The following GALNT13 variants were observed in gnomAD, a reference collection of about 807,000 sequenced individuals.
GALNT13 encodes the protein UDP-GalNAc:polypeptide N-acetylgalactosaminyltransferase 13.
Under a neutral mutation model 64.2 loss-of-function variants are expected in GALNT13, and 28 were observed. That is an observed-to-expected ratio of 0.44 (90% confidence interval 0.32 to 0.60). GALNT13 has a LOEUF of 0.60. Ranked by LOEUF, GALNT13 falls within the 20% of genes least tolerant of loss-of-function variation. GALNT13 has a pLI of 0.05. For missense variants in GALNT13, 577 were observed against 669.8 expected, an observed-to-expected ratio of 0.86 and a Z score of 1.53; for synonymous variants, 214 against 224.6, an observed-to-expected ratio of 0.95 and a Z score of 0.42.
chr2:153,367,374 T>C, the GALNT13 span, among the ~76,000 whole-genome samples: 1 of 152,078 alleles, frequency 6.6e-6, no homozygotes, highest in Admixed American at 6.6e-5. Flanking sequence ...CAACTAAAAA[T>C]GTTTTAAGCA....
At chr2:153,844,906 A>C in the GALNT13 span, among the ~76,000 whole-genome samples, 1 of 152,192 alleles carries the variant, frequency 6.6e-6, no homozygotes, top group African/African-American at 2.4e-5. Context: ...GCTAAGGCAT[A>C]ACATATGTGA....
the GALNT13 span, among the ~76,000 whole-genome samples, chr2:153,397,139 A>G: frequency 6.6e-6 from 1 of 152,184 alleles, no homozygotes; most frequent in Non-Finnish European, 1.5e-5. Context: ...ACATCTAACC[A>G]ATGGCACTGT....
At chr2:153,461,183 G>T in the GALNT13 span, among the ~76,000 whole-genome samples, 3 of 151,944 alleles carry the variant, frequency 2.0e-5, no homozygotes, top group Non-Finnish European at 2.9e-5. Context: ...CCAAAAGTTT[G>T]GCAAATTAGA....
intron 3 of GALNT13, among the ~76,000 whole-genome samples, chr2:153,979,884 T>A (rs1450675764): frequency 6.6e-6 from 1 of 152,168 alleles, no homozygotes; most frequent in East Asian, 1.9e-4. Flanking sequence ...GATTATATTC[T>A]TCCTCATATT....
At chr2:153,144,305 T>C in the GALNT13 span, among the ~76,000 whole-genome samples, 5 of 152,030 alleles carry the variant, frequency 3.3e-5, no homozygotes, top group South Asian at 1.0e-3. Context: ...TAATTAGCTG[T>C]GTAAGCTCAG....
At chr2:153,520,871 T>C in the GALNT13 span, among the ~76,000 whole-genome samples, 1 of 152,152 alleles carries the variant, frequency 6.6e-6, no homozygotes, top group East Asian at 1.9e-4. Context: ...CCATGAGATA[T>C]GTAAATCATA....
intron 3 of GALNT13, among the ~76,000 whole-genome samples, chr2:154,037,993 T>G (rs982113836): frequency 1.3e-5 from 2 of 152,192 alleles, no homozygotes; most frequent in East Asian, 1.9e-4. Flanking sequence ...CAAATTTTTT[T>G]TAAAATTAGT....
chr2:153,880,636 C>T (rs72862073), intron 1 of GALNT13, among the ~76,000 whole-genome samples: 10,810 of 152,084 alleles, frequency 0.071, 452 homozygotes, highest in East Asian at 0.13. Context: ...TATATTTCTT[C>T]GATTCTCTTG....
At chr2:154,321,985 A>G (rs1694646572) in intron 9 of GALNT13, among the ~76,000 whole-genome samples, 1 of 151,932 alleles carries the variant, frequency 6.6e-6, no homozygotes, top group South Asian at 2.1e-4. Flanking sequence ...CTAGGTATAT[A>G]CATATTTGCC....
At chr2:154,334,987 T>C (rs1574106695) in intron 9 of GALNT13, among the ~76,000 whole-genome samples, 1 of 152,088 alleles carries the variant, frequency 6.6e-6, no homozygotes, top group South Asian at 2.1e-4. Context: ...AAAACTACAT[T>C]TTCCCACTAG....
the GALNT13 span, among the ~76,000 whole-genome samples, chr2:153,712,515 G>T: frequency 4.6e-5 from 7 of 152,058 alleles, no homozygotes; most frequent in Admixed American, 4.6e-4. Context: ...AAAAAAATGA[G>T]CAAATAAGTT....
At chr2:154,328,561 C>T (rs1295105212) in intron 9 of GALNT13, among the ~76,000 whole-genome samples, 3 of 152,062 alleles carry the variant, frequency 2.0e-5, no homozygotes, top group African/African-American at 4.8e-5. Context: ...TGAAAGTGTG[C>T]GGTCCAGGGA....
chr2:153,909,974 C>A (rs913762006), intron 2 of GALNT13, among the ~76,000 whole-genome samples: 2 of 151,758 alleles, frequency 1.3e-5, no homozygotes, highest in African/African-American at 2.4e-5. Context: ...CCCTCTTCCT[C>A]ATTTTTTTGG....
At chr2:154,267,715 C>G (rs1573986148) in intron 8 of GALNT13, among the ~76,000 whole-genome samples, 1 of 151,660 alleles carries the variant, frequency 6.6e-6, no homozygotes, top group African/African-American at 2.4e-5. Flanking sequence ...AAGGCACTGA[C>G]AGAAAAAAAG....
intron 3 of GALNT13, among the ~76,000 whole-genome samples, chr2:154,003,550 C>T (rs1273513932): frequency 6.6e-6 from 1 of 152,136 alleles, no homozygotes; most frequent in Non-Finnish European, 1.5e-5. Flanking sequence ...ATCCTGCTCT[C>T]TTGCTGATGT....
chr2:154,380,725 C>T (rs1410803513), intron 9 of GALNT13, among the ~76,000 whole-genome samples: 3 of 151,944 alleles, frequency 2.0e-5, no homozygotes, highest in Non-Finnish European at 4.4e-5. Context: ...TTTATTATTT[C>T]TCAAGAGTCT....
At chr2:154,158,333 C>G (rs1455784797) in intron 4 of GALNT13, among the ~76,000 whole-genome samples, 1 of 152,120 alleles carries the variant, frequency 6.6e-6, no homozygotes, top group African/African-American at 2.4e-5. Flanking sequence ...ATCTCTTTCT[C>G]TTACTATCAA....
chr2:154,372,351 T>C (rs1221674687), intron 9 of GALNT13, among the ~76,000 whole-genome samples: 1 of 143,822 alleles, frequency 7.0e-6, no homozygotes, highest in Non-Finnish European at 1.5e-5. Flanking sequence ...AATCCCCAGA[T>C]GTACTGATTG....
chr2:153,780,016 C>A, the GALNT13 span, among the ~76,000 whole-genome samples: 1 of 151,692 alleles, frequency 6.6e-6, no homozygotes, highest in Non-Finnish European at 1.5e-5. Context: ...CATGATTCAG[C>A]AAGACACCAT....
Sources: allele counts gnomAD v4.1 joint callset (sites outside exome capture counted in the v4.1 genomes callset), GRCh38; gene constraint gnomAD v4.1.1; transcripts MANE v1.5; gene names NCBI Gene and HGNC (gene_info 2026-07-23, HGNC 2026-07-21).